The following ARL17A variants were observed in gnomAD, a reference collection of about 807,000 sequenced individuals.
The protein encoded by ARL17A is ADP-ribosylation factor-like 17-like.
intron 4 of ARL17A, among the ~76,000 whole-genome samples, chr17:46,530,327 C>T (rs1238372544): frequency 1.5e-5 from 2 of 134,356 alleles, no homozygotes; most frequent in African/African-American, 5.4e-5. Flanking sequence ...ATATTTAAAG[C>T]CCTAGTTTGA....
chr17:46,534,162 C>T (rs1185421272), intron 4 of ARL17A, among the ~76,000 whole-genome samples: 1 of 148,000 alleles, frequency 6.8e-6, no homozygotes, highest in Non-Finnish European at 1.5e-5. Context: ...TACAGGCATG[C>T]ACCACCATGC....
intron 4 of ARL17A, among the ~76,000 whole-genome samples, chr17:46,533,296 A>C (rs1384872844): frequency 2.2e-5 from 2 of 91,104 alleles, no homozygotes; most frequent in Non-Finnish European, 3.9e-5. Context: ...GCGCACCTGT[A>C]GTCTCAGCTA....
chr17:46,502,530 G>T, the ARL17A span, among the ~76,000 whole-genome samples: 1 of 150,932 alleles, frequency 6.6e-6, no homozygotes, highest in South Asian at 2.1e-4. Flanking sequence ...TCGAACTCCT[G>T]ACCTCAGGCA....
At chr17:46,533,020 T>C (rs2053944926) in intron 4 of ARL17A, among the ~76,000 whole-genome samples, 2 of 121,162 alleles carry the variant, frequency 1.7e-5, no homozygotes, top group Non-Finnish European at 1.7e-5. Context: ...GGAGGATCAC[T>C]TGAGCCCGGG....
chr17:46,558,839 T>A (rs1387802954), intron 3 of ARL17A: 8 of 10,048 alleles, frequency 8.0e-4, no homozygotes, highest in South Asian at 0.05. Context: ...TTTTATTCTT[T>A]TTTTTTTTTT....
intron 4 of ARL17A, among the ~76,000 whole-genome samples, chr17:46,534,739 G>T (rs1041416179): frequency 1.3e-5 from 2 of 150,092 alleles, no homozygotes; most frequent in African/African-American, 5.0e-5. Context: ...TGGCGGCCGG[G>T]CAGAGGGGCT....
intron 3 of ARL17A, among the ~76,000 whole-genome samples, chr17:46,546,013 TG>T (rs2056258371): frequency 6.7e-6 from 1 of 149,024 alleles, no homozygotes; most frequent in Admixed American, 6.7e-5. Context: ...TACTAATCAC[TG>T]TCACCCAATT....
intron 3 of ARL17A, among the ~76,000 whole-genome samples, chr17:46,568,135 C>T: frequency 8.4e-6 from 1 of 118,912 alleles, no homozygotes; most frequent in Non-Finnish European, 1.7e-5. Context: ...CTAATGGATA[C>T]AAAGTTTCTG....
downstream of ARL17A, among the ~76,000 whole-genome samples, chr17:46,525,602 T>TAATAATAATAATAATA (rs1346950818): frequency 1.9e-5 from 2 of 103,286 alleles, no homozygotes; most frequent in East Asian, 2.7e-4. Flanking sequence ...ATAATAATAA[T>TAATAATAATAATAATA]ATAATAATAA....
At chr17:46,550,152 C>T (rs549980674), downstream of ARL17A, among the ~76,000 whole-genome samples, 4 of 24,894 alleles carry the variant, frequency 1.6e-4, no homozygotes, top group Admixed American at 1.1e-3. Flanking sequence ...CCTGTCTCCA[C>T]AAAAAATAAG....
intron 3 of ARL17A, among the ~76,000 whole-genome samples, chr17:46,542,750 G>T (rs1369255738): frequency 6.7e-6 from 1 of 150,172 alleles, no homozygotes; most frequent in Non-Finnish European, 1.5e-5. Context: ...TATGCCTGCG[G>T]GGCCCTATTG....
At chr17:46,511,181 T>C in the ARL17A span, among the ~76,000 whole-genome samples, 1 of 126,164 alleles carries the variant, frequency 7.9e-6, no homozygotes, top group East Asian at 2.4e-4. Flanking sequence ...TTTATGGAAT[T>C]TTTTTTAAAA....
chr17:46,505,462 TTATC>T, the ARL17A span, among the ~76,000 whole-genome samples: 1 of 94,810 alleles, frequency 1.1e-5, no homozygotes, highest in African/African-American at 4.9e-5. Flanking sequence ...AAAGATTTGT[TTATC>T]TATTTATTAT....
intron 2 of ARL17A, among the ~76,000 whole-genome samples, chr17:46,574,758 G>GT (rs1308331103): frequency 3.0e-3 from 49 of 16,566 alleles, no homozygotes; most frequent in East Asian, 0.021. Context: ...ATTCTCCTCG[G>GT]TTTCCCACTC....
rs1372187773 is a variant in ARL17A, at chr17:46,558,185, T to G, written c.260-555A>C. 8.4e-5 allele frequency among the ~76,000 whole-genome samples: 9 copies of G among 106,772 alleles called. 1 individual carries two copies. The highest frequency in any genetic ancestry group is 7.7e-4 in the East Asian group (2 of 2,610). 70.0% of individuals were successfully genotyped at this position (106,772 alleles called of 152,430 possible). ...AGCAAGTCTCCTGCCTCAGCCTCCC[T>G]AGTAGCTGGGGTTACAGGCATGCAC... On this transcript the variant is annotated intron_variant, in intron 3 of 3. Coordinates refer to ENST00000336125, the MANE Select transcript of ARL17A (RefSeq NM_001113738.2).
intron 4 of ARL17A, among the ~76,000 whole-genome samples, chr17:46,532,047 A>G (rs377334955): frequency 0.034 from 4,328 of 125,704 alleles, 2 homozygotes; most frequent in Non-Finnish European, 0.053. Flanking sequence ...TGACGCCATT[A>G]CACTCAAGCC....
rs1284272306 is a variant in ARL17A, at chr17:46,534,534, C to G, written c.335+3817G>C. 8.8e-5 allele frequency among the ~76,000 whole-genome samples: 13 copies of G among 148,114 alleles called. No individual in the cohort carries two copies. In the East Asian group the frequency reaches 2.2e-3, roughly 25 times the overall value. On this transcript the variant is annotated intron_variant, in intron 4 of 4. Coordinates refer to the ARL17A transcript ENST00000329240. Reference sequence around the variant, plus strand: ...TGGGGGTAAGGTCATAGATCAACAGCATCCCAAGGCAGAAGAATTTTTCTT... The same window carrying G: ...TGGGGGTAAGGTCATAGATCAACAGGATCCCAAGGCAGAAGAATTTTTCTT...
chr17:46,543,871 C>A (rs1412004202), intron 3 of ARL17A, among the ~76,000 whole-genome samples: 1 of 149,754 alleles, frequency 6.7e-6, no homozygotes, highest in East Asian at 2.0e-4. Context: ...AATCCCAGCA[C>A]TTTGGGAGGC....
At position 46,554,043 on chromosome 17, in the gene ARL17A, A is replaced by C. The variant is rs1224805709; in HGVS notation, c.*3313T>G. On this transcript the variant is annotated 3_prime_UTR_variant, in exon 4 of 4. Transcript: ENST00000336125. Reference sequence around the variant, plus strand: ...GGCAGGAAACAGTATTTTCTCTTTTATTTCTTTTTTTTTTCCCCTGGATCC... The same window carrying C: ...GGCAGGAAACAGTATTTTCTCTTTTCTTTCTTTTTTTTTTCCCCTGGATCC... The C allele has an allele frequency of 3.0e-6, 3 of 994,056 alleles. No individual in the cohort carries two copies. The highest frequency in any genetic ancestry group is 1.1e-4 in the East Asian group (1 of 8,972). The allele number at this position is 994,056 out of a possible 1,614,324, so 61.6% of individuals were successfully genotyped here. A position where few individuals can be genotyped will look rare whatever the true frequency, so the allele number is the denominator to read the frequency against.
Sources: gnomAD v4.1 joint callset for allele counts (sites outside exome capture counted in the v4.1 genomes callset) on GRCh38, gnomAD v4.1.1 for gene constraint, MANE v1.5 for transcripts, NCBI Gene and HGNC (gene_info 2026-07-23, HGNC 2026-07-21) for gene names.